The following PCDH15 variants were observed in gnomAD, a reference collection of about 807,000 sequenced individuals.
The protein encoded by PCDH15 is protocadherin related 15, also known as protocadherin-15.
In PCDH15, 129 loss-of-function variants were observed where a neutral mutation model predicts 178.5. That is an observed-to-expected ratio of 0.72 (90% CI 0.63 to 0.84). PCDH15 has a LOEUF of 0.84. Among genes scored for constraint, PCDH15 ranks in the 40% least tolerant of loss-of-function variants. PCDH15 has a pLI of 0.00. For missense variants in PCDH15, 2,230 were observed against 2,099.9 expected (o/e 1.06, Z -1.21); for synonymous variants, 800 against 732.0 (o/e 1.09, Z -1.50).
intron 2 of PCDH15, among the ~76,000 whole-genome samples, chr10:54,566,880 A>T (rs1263099460): frequency 6.6e-6 from 1 of 152,164 alleles, no homozygotes; most frequent in African/African-American, 2.4e-5. Flanking sequence ...TTATAGTAAA[A>T]GCATCTTTAG....
chr10:55,624,053 C>T (rs192579432), intron 2 of PCDH15, among the ~76,000 whole-genome samples: 4 of 150,684 alleles, frequency 2.7e-5, no homozygotes, highest in African/African-American at 9.9e-5. Context: ...TTGTGTTTGC[C>T]ATCAGTTGTG....
At chr10:55,559,043 T>C (rs553600889) in intron 2 of PCDH15, among the ~76,000 whole-genome samples, 13 of 152,216 alleles carry the variant, frequency 8.5e-5, no homozygotes, top group Admixed American at 5.2e-4. Context: ...CAACTCTCTA[T>C]CCAGACTCTA....
chr10:54,238,761 C>G (rs186128344), intron 8 of PCDH15, among the ~76,000 whole-genome samples: 4 of 150,828 alleles, frequency 2.7e-5, no homozygotes, highest in Non-Finnish European at 5.9e-5. Flanking sequence ...GTATTTCTCC[C>G]TAAACTGAAA....
At chr10:53,961,235 T>G (rs916597337) in intron 22 of PCDH15, among the ~76,000 whole-genome samples, 1 of 151,972 alleles carries the variant, frequency 6.6e-6, no homozygotes, top group Non-Finnish European at 1.5e-5. Flanking sequence ...AATATATCAA[T>G]CTTATCTTAA....
intron 2 of PCDH15, among the ~76,000 whole-genome samples, chr10:55,163,984 A>G (rs375546204): frequency 1.3e-4 from 20 of 152,246 alleles, no homozygotes; most frequent in African/African-American, 4.6e-4. Context: ...TAATAAATCA[A>G]TTCTTGTACA....
At chr10:54,674,435 C>A (rs895049595) in intron 1 of PCDH15, among the ~76,000 whole-genome samples, 1 of 152,022 alleles carries the variant, frequency 6.6e-6, no homozygotes, top group African/African-American at 2.4e-5. Context: ...TAGTCTAGAA[C>A]GTTTGCAGAA....
chr10:53,920,326 T>C (rs543785769), intron 25 of PCDH15, among the ~76,000 whole-genome samples: 9 of 152,206 alleles, frequency 5.9e-5, no homozygotes, highest in African/African-American at 2.2e-4. Context: ...ATATATTCTA[T>C]TTTCAAAACA....
rs141605395 is a variant in PCDH15 at position 54,309,668 on chromosome 10, T to C, written c.876+7603A>G. ...AAAATTAGCCGGGTGTGGTGGCACA[T>C]GCTGGTAGTCTCAGCTACTTGGGAG... On this transcript the variant is annotated intron_variant, in intron 8 of 37. Coordinates refer to ENST00000644397, the MANE Select transcript of PCDH15 (RefSeq NM_001384140.1). Among the ~76,000 whole-genome samples, 325 of 151,938 alleles carry C rather than the reference T, an allele frequency of 2.1e-3. 1 individual carries two copies. Among genetic ancestry groups the C allele is most frequent in the African/African-American group, 5.5e-3 (228 of 41,486 alleles).
At chr10:55,327,072 T>G (rs1268395121) in intron 2 of PCDH15, among the ~76,000 whole-genome samples, 1 of 152,026 alleles carries the variant, frequency 6.6e-6, no homozygotes, top group Non-Finnish European at 1.5e-5. Context: ...AATCCCAAAG[T>G]AATGGTAATA....
intron 21 of PCDH15, among the ~76,000 whole-genome samples, chr10:53,978,634 A>G (rs897594619): frequency 1.3e-5 from 2 of 148,390 alleles, no homozygotes; most frequent in Non-Finnish European, 1.5e-5. Flanking sequence ...TCTGCTGCCA[A>G]CTGGAATTCC....
At chr10:53,808,987 G>T in intron 37 of PCDH15, 1 of 1,564,250 alleles carries the variant, frequency 6.4e-7, no homozygotes, top group Non-Finnish European at 8.7e-7. Context: ...TTCCATCTTA[G>T]GTTCTTTTTG....
At chr10:54,848,469 G>C (rs1344378763) in intron 3 of PCDH15, among the ~76,000 whole-genome samples, 2 of 151,270 alleles carry the variant, frequency 1.3e-5, no homozygotes, top group South Asian at 2.1e-4. Context: ...AGAGACTTGA[G>C]CATGCTAACA....
At chr10:54,172,073 T>C (rs2046969601) in intron 13 of PCDH15, among the ~76,000 whole-genome samples, 1 of 152,060 alleles carries the variant, frequency 6.6e-6, no homozygotes, top group African/African-American at 2.4e-5. Flanking sequence ...GCCTCTGAGC[T>C]CAAGCCAAGC....
At chr10:54,383,174 A>C (rs1949443581) in intron 3 of PCDH15, among the ~76,000 whole-genome samples, 2 of 152,100 alleles carry the variant, frequency 1.3e-5, no homozygotes, top group Non-Finnish European at 2.9e-5. Context: ...ATGATTTTAA[A>C]TGTAAAATGT....
chr10:54,067,637 C>A (rs1448773178), intron 17 of PCDH15, among the ~76,000 whole-genome samples: 1 of 152,148 alleles, frequency 6.6e-6, no homozygotes, highest in African/African-American at 2.4e-5. Context: ...AGCACAGAAC[C>A]TCTACCTAGC....
chr10:54,622,609 A>G (rs1268973360), intron 2 of PCDH15, among the ~76,000 whole-genome samples: 8 of 93,296 alleles, frequency 8.6e-5, no homozygotes, highest in African/African-American at 1.5e-4. Context: ...AATATATATA[A>G]TTATATATAA....
chr10:54,868,289 T>C (rs192848666), intron 3 of PCDH15, among the ~76,000 whole-genome samples: 8 of 152,316 alleles, frequency 5.3e-5, no homozygotes, highest in Non-Finnish European at 8.8e-5. Flanking sequence ...TACCTGTCTA[T>C]ATGGCATCTG....
chr10:55,614,754 G>A (rs1024137749), intron 2 of PCDH15, among the ~76,000 whole-genome samples: 3 of 152,094 alleles, frequency 2.0e-5, no homozygotes, highest in African/African-American at 7.2e-5. Context: ...ATGAACCAAA[G>A]TCTTTGGTTT....
intron 2 of PCDH15, among the ~76,000 whole-genome samples, chr10:55,085,736 G>A (rs986630979): frequency 6.6e-6 from 1 of 151,760 alleles, no homozygotes; most frequent in African/African-American, 2.4e-5. Flanking sequence ...TAACAAATTG[G>A]TCTGAGCAAG....
Sources: allele counts gnomAD v4.1 joint callset (sites outside exome capture counted in the v4.1 genomes callset), GRCh38; gene constraint gnomAD v4.1.1; transcripts MANE v1.5; gene names NCBI Gene and HGNC (gene_info 2026-07-23, HGNC 2026-07-21).